Variants in RANGAP1 observed in about 807,000 individuals in gnomAD.
The protein encoded by RANGAP1 is ran GTPase-activating protein 1.
In RANGAP1, 38 loss-of-function variants were observed where a neutral mutation model predicts 63.5. The ratio of observed to expected loss-of-function variants is 0.60; its 90% confidence interval spans 0.46 to 0.78. RANGAP1 has a LOEUF of 0.78. Ranked by LOEUF, RANGAP1 falls within the 30% of genes least tolerant of loss-of-function variation. The pLI is 0.00. For synonymous variants in RANGAP1, 329 were observed against 310.5 expected (o/e 1.06, Z -0.63); for missense variants, 630 against 740.3 (o/e 0.85, Z 1.73).
chr22:41,247,781 T>C (rs936420671), intron 15 of RANGAP1, among the ~76,000 whole-genome samples: 4 of 152,186 alleles, frequency 2.6e-5, no homozygotes, highest in Non-Finnish European at 5.9e-5. Context: ...CTGAAGCCAG[T>C]GAACAGGCCA....
intron 4 of RANGAP1, among the ~76,000 whole-genome samples, chr22:41,265,930 C>A (rs369908348): frequency 2.6e-5 from 4 of 151,432 alleles, no homozygotes; most frequent in Non-Finnish European, 4.4e-5. Flanking sequence ...TGGCTGGGTG[C>A]GGTGGCTCAC....
chr22:41,288,822 A>G (rs1475030531), upstream of RANGAP1, among the ~76,000 whole-genome samples: 12 of 151,422 alleles, frequency 7.9e-5, no homozygotes, highest in South Asian at 1.5e-3. Context: ...TAGAGAGTGG[A>G]TGTTCTGCCT....
At chr22:41,294,611 G>T in the RANGAP1 span, among the ~76,000 whole-genome samples, 2 of 144,376 alleles carry the variant, frequency 1.4e-5, no homozygotes, top group African/African-American at 5.2e-5. Context: ...AGTGAGGAGC[G>T]CCTCTTCCCG....
chr22:41,266,340 G>A (rs2034476440), intron 4 of RANGAP1, among the ~76,000 whole-genome samples: 1 of 152,036 alleles, frequency 6.6e-6, no homozygotes, highest in Non-Finnish European at 1.5e-5. Flanking sequence ...TTATTCTCAC[G>A]ATTGGGAACA....
Position 41,245,594 on chromosome 22 carries a change from G to A in RANGAP1, c.*1009C>T. On this transcript the variant is annotated 3_prime_UTR_variant, in exon 16 of 16. Transcript: ENST00000356244. ...CCCCCGAGACTATCCCGCTTTCAGT[G>A]AGAGTTTCTGAGTCTCTGAAGCTGC... 6.6e-6 allele frequency: 1 copy of A among 152,242 alleles called. No homozygotes were observed. The highest frequency in any genetic ancestry group is 1.5e-5 in the Non-Finnish European group (1 of 68,058). 9.4% of individuals were successfully genotyped at this position (152,242 alleles called of 1,614,324 possible). A position where few individuals can be genotyped will look rare whatever the true frequency, so the allele number is the denominator to read the frequency against.
rs755834999 is a variant in RANGAP1 at position 41,249,307 on chromosome 22, CAGA to C, written c.1694+20_1694+22del. ...AGAAGCCCGAGAGGGCAGGCACCGG[CAGA>C]AGGACAAGGCCACACTCACTTGGTC... On this transcript the variant is annotated intron_variant, in intron 15 of 15. Transcript: ENST00000356244. 11 of 1,570,866 alleles carry C rather than the reference CAGA, an allele frequency of 7.0e-6. No individual in the cohort carries two copies. Among genetic ancestry groups the C allele is most frequent in the South Asian group, 3.6e-5 (3 of 84,094 alleles).
At chr22:41,287,900 C>T (rs910661962), upstream of RANGAP1, among the ~76,000 whole-genome samples, 2 of 151,850 alleles carry the variant, frequency 1.3e-5, no homozygotes, top group African/African-American at 2.4e-5. Context: ...GCAGAAGAAT[C>T]GCTTGAACCC....
intron 5 of RANGAP1, 65 bp from the exon 6 acceptor site, chr22:41,261,645 T>G: frequency 5.0e-6 from 8 of 1,603,652 alleles, no homozygotes; most frequent in Non-Finnish European, 6.8e-6. Flanking sequence ...GGGTGGCCAC[T>G]GCTGCTGAAC....
the RANGAP1 span, among the ~76,000 whole-genome samples, chr22:41,301,067 C>CT: frequency 5.9e-5 from 9 of 152,268 alleles, no homozygotes; most frequent in African/African-American, 2.2e-4. Context: ...GCCTTGTAGT[C>CT]TTTAACAAGT....
the RANGAP1 span, among the ~76,000 whole-genome samples, chr22:41,295,147 A>T: frequency 2.3e-5 from 3 of 132,960 alleles, no homozygotes; most frequent in African/African-American, 7.0e-5. Flanking sequence ...GGCCGCCCCT[A>T]CTGGGAAGTG....
Position 41,257,994 on chromosome 22 carries a change from A to G in RANGAP1, c.728T>C (p.Leu243Pro). The change falls in exon 7 of 16, where the codon CTG becomes CCG. Residue 243 changes from leucine to proline, a missense_variant. Physicochemically the swap from Leu to Pro is moderately conservative, Grantham distance 98. Around this residue, in one of 3 missense-constraint regions of RANGAP1, gnomAD observed 428 missense variants for 465.5 expected, o/e 0.92. Transcript: ENST00000356244. This position sits in a 1 kb window ranked among gnomAD's most constrained non-coding sequence, Gnocchi z 4.0. ...AVNPLLRVIN[L>P]NDNTFTEKGA... Reference sequence around the variant, plus strand: ...CTTCTCAGTGAAGGTGTTGTCATTCAGGTTGATGACCCGCAGCAGGGGGTT... The same window carrying G: ...CTTCTCAGTGAAGGTGTTGTCATTCGGGTTGATGACCCGCAGCAGGGGGTT... 6.2e-7 allele frequency: 1 copy of G among 1,613,216 alleles called. No individual in the cohort carries two copies. Among genetic ancestry groups the G allele is most frequent in the Non-Finnish European group, 8.5e-7 (1 of 1,179,528 alleles).
chr22:41,274,639 C>T lies in RANGAP1; in HGVS notation c.201G>A (p.Arg67=). ...EGNTVGVEAA[R]VIAKALEKKS... Reference sequence around the variant, plus strand: ...TCTTCTCTAAGGCCTTGGCGATGACCCTGGCTGCTTCCACGCCCACTGTGT... The same window carrying T: ...TCTTCTCTAAGGCCTTGGCGATGACTCTGGCTGCTTCCACGCCCACTGTGT... The change falls in exon 3 of 16, where the codon AGG becomes AGA. Residue 67 remains arginine (R), a synonymous_variant. Coordinates refer to ENST00000356244, the MANE Select transcript of RANGAP1 (RefSeq NM_002883.4). 6.2e-7 allele frequency: 1 copy of T among 1,614,174 alleles called. No homozygotes were observed. The highest frequency in any genetic ancestry group is 1.1e-5 in the South Asian group (1 of 91,086).
chr22:41,283,623 G>A (rs2035610773), intron 1 of RANGAP1, among the ~76,000 whole-genome samples: 2 of 152,172 alleles, frequency 1.3e-5, no homozygotes, highest in South Asian at 2.1e-4. Context: ...ACACATCTGG[G>A]GGAACATGAT....
chr22:41,245,325 A>T lies in RANGAP1; in HGVS notation c.*1278T>A. Among the ~76,000 whole-genome samples, 1 of 152,140 alleles carries T rather than the reference A, an allele frequency of 6.6e-6. No individual in the cohort carries two copies. Among genetic ancestry groups the T allele is most frequent in the East Asian group, 1.9e-4 (1 of 5,204 alleles). ...GCTGTCCTCACATATGTGGCAGTGG[A>T]GCAAAGGATCCCAAGGGAGGTGGCT... On this transcript the variant is annotated 3_prime_UTR_variant, in exon 16 of 16. Transcript: ENST00000356244.
At chr22:41,288,932 T>C (rs957693489), upstream of RANGAP1, among the ~76,000 whole-genome samples, 1 of 148,468 alleles carries the variant, frequency 6.7e-6, no homozygotes, top group African/African-American at 2.5e-5. Flanking sequence ...TTTTTTTTTT[T>C]TTTTTTTTGA....
At chr22:41,277,255 T>C (rs1482811852) in intron 2 of RANGAP1, among the ~76,000 whole-genome samples, 8 of 151,276 alleles carry the variant, frequency 5.3e-5, no homozygotes, top group Admixed American at 4.6e-4. Context: ...TTTTTTGTAG[T>C]TTTTAGTAGA....
chr22:41,287,371 G>T (rs950204569), upstream of RANGAP1, among the ~76,000 whole-genome samples: 2 of 101,688 alleles, frequency 2.0e-5, no homozygotes, highest in South Asian at 2.7e-4. Context: ...CACAAACAGC[G>T]TTTTTTTTTT....
chr22:41,264,884 AGCTTCTGTGCTGGGTGCT>A (rs775845439), intron 4 of RANGAP1, 41 bp from the exon 5 acceptor site: 1 of 1,568,110 alleles, frequency 6.4e-7, no homozygotes, highest in Non-Finnish European at 8.7e-7. Context: ...ATAGACACCC[AGCTTCTGTGCTGGGTGCT>A]GCTTCTGTGC....
chr22:41,289,736 CT>C (rs1467797239), upstream of RANGAP1, among the ~76,000 whole-genome samples: 1 of 152,214 alleles, frequency 6.6e-6, no homozygotes, highest in East Asian at 1.9e-4. Context: ...GCTAGTCTGC[CT>C]GGCCCAAGAA....
Sources: allele counts gnomAD v4.1 joint callset (sites outside exome capture counted in the v4.1 genomes callset), GRCh38; gene constraint gnomAD v4.1.1; regional missense constraint gnomAD v4.1.1; non-coding constraint Gnocchi (gnomAD v3.1); transcripts MANE v1.5; gene names NCBI Gene and HGNC (gene_info 2026-07-23, HGNC 2026-07-21).